FAT4: variants seen among roughly 807,000 people sequenced by gnomAD.
FAT4 encodes protocadherin Fat 4.
FAT4 carries 84 observed loss-of-function variants against 303.9 expected under a neutral mutation model. The observed-to-expected ratio is 0.28, with a 90% CI of 0.23 to 0.33. The LOEUF (loss-of-function observed/expected upper bound fraction) is 0.33. FAT4 is among the 10% of genes least tolerant of loss of function. FAT4 has a pLI of 1.00. For synonymous variants in FAT4, 2,307 were observed against 2,298.8 expected (o/e 1.00, Z -0.10); for missense variants, 6,005 against 6,146.8 (o/e 0.98, Z 0.77).
In FAT4 at chr4:125,492,780, A is replaced by C. The variant is rs903217253; in HGVS notation, c.*1012A>C. Reference sequence around the variant, plus strand: ...ATACTGATATTTTCCTATGCTGAATAGTTTTCTTACTTTCAGGGAAGGTAA... The same window carrying C: ...ATACTGATATTTTCCTATGCTGAATCGTTTTCTTACTTTCAGGGAAGGTAA... On this transcript the variant is annotated 3_prime_UTR_variant, in exon 18 of 18. Transcript: ENST00000394329. The C allele has an allele frequency of 6.6e-6, 1 of 152,478 alleles. No individual in the cohort carries two copies. The highest frequency in any genetic ancestry group is 2.4e-5 in the African/African-American group (1 of 41,424). 9.4% of individuals were successfully genotyped at this position (152,478 alleles called of 1,614,324 possible).
chr4:125,465,297 C>A (rs750604139), intron 11 of FAT4, among the ~76,000 whole-genome samples: 1 of 152,150 alleles, frequency 6.6e-6, no homozygotes, highest in African/African-American at 2.4e-5. Flanking sequence ...ATATCAAGGT[C>A]AAAATAACCA....
Position 125,353,802 on chromosome 4 carries a change from A to G in FAT4, c.5175+32216A>G, listed in dbSNP as rs118146800. ...GAGTAAAATATTTAGTGACTGAAAAATTCCAAATGAAGACTAAGTAAAATA... is the reference window on the plus strand; with the variant it reads ...GAGTAAAATATTTAGTGACTGAAAAGTTCCAAATGAAGACTAAGTAAAATA... On this transcript the variant is annotated intron_variant, in intron 2 of 17. Coordinates refer to ENST00000394329, the MANE Select transcript of FAT4 (RefSeq NM_001291303.3). 4.9e-3 allele frequency among the ~76,000 whole-genome samples: 740 copies of G among 151,780 alleles called. 29 individuals carry two copies. In the South Asian group the frequency reaches 0.069, roughly 14 times the overall value.
intron 2 of FAT4, among the ~76,000 whole-genome samples, chr4:125,392,916 G>A (rs947536812): frequency 3.3e-5 from 5 of 152,112 alleles, no homozygotes; most frequent in East Asian, 1.9e-4. Context: ...CAGTGCCCTC[G>A]AGTAGGAGGC....
chr4:125,474,129 C>T (rs185097793), intron 12 of FAT4, among the ~76,000 whole-genome samples: 56 of 152,102 alleles, frequency 3.7e-4, no homozygotes, highest in African/African-American at 1.3e-3. Flanking sequence ...AATAAAACAT[C>T]TCCTCCATTA....
In FAT4 at chr4:125,434,368, C is replaced by T; in HGVS notation, c.7142C>T (p.Thr2381Ile). ...ATTCCTGAGGATGCACCAACTGGAA[C>T]AGATGTTTTATTGGTAAATGCCTCA... ...TTIPEDAPTG[T>I]DVLLVNASDA... Residue 2381 changes from threonine to isoleucine, a missense_variant, in exon 8 of 18, where the codon ACA (threonine) becomes ATA (isoleucine). By Grantham distance (89) the Thr-to-Ile change is moderately conservative. Coordinates refer to ENST00000394329, the MANE Select transcript of FAT4 (RefSeq NM_001291303.3). 6.2e-7 allele frequency: 1 copy of T among 1,614,020 alleles called. No homozygotes were observed.
chr4:125,346,402 T>G (rs1344757195), intron 2 of FAT4, among the ~76,000 whole-genome samples: 1 of 151,958 alleles, frequency 6.6e-6, no homozygotes, highest in Non-Finnish European at 1.5e-5. Flanking sequence ...GATTAAAACT[T>G]TTATGGCTAT....
intron 2 of FAT4, among the ~76,000 whole-genome samples, chr4:125,397,426 G>A (rs988415895): frequency 1.3e-5 from 2 of 152,082 alleles, no homozygotes; most frequent in Non-Finnish European, 2.9e-5. Flanking sequence ...CCAGGCTGCA[G>A]TTGTAGTTAT....
Position 125,320,751 on chromosome 4 carries a change from C to T in FAT4, c.4340C>T (p.Pro1447Leu). Residue 1447 changes from proline to leucine, a missense_variant, in exon 2 of 18, where the codon CCT becomes CTT. Physicochemically the swap from Pro to Leu is moderately conservative, Grantham distance 98. Transcript: ENST00000394329. ...GTCATTTCAGTGACTGCACATGACCCTGATGCAGACATTAATGGTCAACTA... is the reference window on the plus strand; with the variant it reads ...GTCATTTCAGTGACTGCACATGACCTTGATGCAGACATTAATGGTCAACTA... ...TSVISVTAHD[P>L]DADINGQLSY... The T allele has an allele frequency of 1.2e-6, 2 of 1,614,128 alleles. No individual in the cohort carries two copies. The highest frequency in any genetic ancestry group is 1.7e-6 in the Non-Finnish European group (2 of 1,180,000).
chr4:125,360,001 C>T (rs1041590150), intron 2 of FAT4, among the ~76,000 whole-genome samples: 1 of 152,088 alleles, frequency 6.6e-6, no homozygotes, highest in African/African-American at 2.4e-5. Flanking sequence ...ATGGATTTTC[C>T]CTCAGGATGA....
Position 125,317,485 on chromosome 4 carries a change from C to T in FAT4, c.1074C>T (p.Phe358=), listed in dbSNP as rs1222101988. ...DNDPVVKFRY[F]PATSRYASVD... The stretch of plus-strand genomic sequence containing the variant: ...ACCCGGTAGTGAAGTTCCGCTACTT[C>T]CCGGCCACCTCGCGCTACGCCTCGG... Residue 358 remains phenylalanine, a synonymous_variant, in exon 2 of 18, where the codon TTC becomes TTT. Transcript: ENST00000394329. This position sits in a 1 kb window ranked among gnomAD's most constrained non-coding sequence, Gnocchi z 7.0. 8.7e-6 allele frequency: 14 copies of T among 1,613,758 alleles called. No homozygotes were observed. Among genetic ancestry groups the T allele is most frequent in the Non-Finnish European group, 1.2e-5 (14 of 1,180,036 alleles).
intron 5 of FAT4, among the ~76,000 whole-genome samples, chr4:125,412,410 T>G (rs1734881652): frequency 6.6e-6 from 1 of 151,948 alleles, no homozygotes; most frequent in Non-Finnish European, 1.5e-5. Context: ...ATTTTTTATT[T>G]GTTTCATCAA....
chr4:125,393,635 C>A (rs539047287), intron 2 of FAT4, among the ~76,000 whole-genome samples: 1 of 152,028 alleles, frequency 6.6e-6, no homozygotes, highest in Non-Finnish European at 1.5e-5. Context: ...ATGCACTATT[C>A]CCACAGAAAT....
At chr4:125,366,464 G>A (rs1732891065) in intron 2 of FAT4, among the ~76,000 whole-genome samples, 1 of 152,128 alleles carries the variant, frequency 6.6e-6, no homozygotes, top group Admixed American at 6.5e-5. Flanking sequence ...ATTCCATGGT[G>A]TGTATGTACT....
chr4:125,381,439 G>A (rs993074873), intron 2 of FAT4, among the ~76,000 whole-genome samples: 4 of 143,318 alleles, frequency 2.8e-5, no homozygotes, highest in Non-Finnish European at 6.3e-5. Flanking sequence ...TTTTTTTGGT[G>A]TTTCATTGCA....
At chr4:125,403,851 G>A (rs2126016877) in intron 3 of FAT4, among the ~76,000 whole-genome samples, 1 of 152,122 alleles carries the variant, frequency 6.6e-6, no homozygotes, top group South Asian at 2.1e-4. Flanking sequence ...TGGAAATGTT[G>A]AGCAAATGAG....
At chr4:125,406,813 A>G (rs1203921625) in intron 3 of FAT4, 67 bp from the exon 4 acceptor site, 1 of 1,538,370 alleles carries the variant, frequency 6.5e-7, no homozygotes, top group East Asian at 2.3e-5. Flanking sequence ...ATACATGTTC[A>G]AAAGAAAATA....
intron 11 of FAT4, among the ~76,000 whole-genome samples, chr4:125,467,889 T>C (rs1025050384): frequency 4.6e-5 from 7 of 152,148 alleles, no homozygotes; most frequent in Admixed American, 1.3e-4. Context: ...TTTGGGCCGC[T>C]TGCGGTAGCT....
Position 125,448,985 on chromosome 4 carries a change from A to G in FAT4, c.7975A>G (p.Ile2659Val). 1.2e-6 allele frequency: 2 copies of G among 1,613,948 alleles called. No individual in the cohort carries two copies. Among genetic ancestry groups the G allele is most frequent in the Non-Finnish European group, 1.7e-6 (2 of 1,179,898 alleles). The change falls in exon 10 of 18, where the codon ATA (isoleucine) becomes GTA (valine). Residue 2659 changes from isoleucine (I) to valine (V), a missense_variant. Physicochemically the swap from Ile to Val is conservative, Grantham distance 29 (BLOSUM62 3). Coordinates refer to ENST00000394329, the MANE Select transcript of FAT4 (RefSeq NM_001291303.3). ...TTTCTCCTCTTACGAGAAACTTGAT[A>G]TAACAGTATTAGATGTCAATGATAA... The part of the protein sequence containing the change: ...PPFSSYEKLD[I>V]TVLDVNDNAP...
chr4:125,452,220 G>A lies in FAT4; in HGVS notation c.11210G>A (p.Arg3737His), dbSNP rs769007827. 6.2e-6 allele frequency: 10 copies of A among 1,614,078 alleles called. No homozygotes were observed. The highest frequency in any genetic ancestry group is 2.2e-5 in the East Asian group (1 of 44,886). Reference protein sequence around the residue: ...FLTNHYLHFLRIASSQLTGLG... With the variant: ...FLTNHYLHFLHIASSQLTGLG... ...ACCAACCACTATCTTCATTTTTTAC[G>A]CATTGCCAGCTCACAGCTGACAGGC... Residue 3737 changes from arginine to histidine, a missense_variant, in exon 10 of 18, where the codon CGC becomes CAC. Arg to His is a conservative substitution (Grantham distance 29). Coordinates refer to ENST00000394329, the MANE Select transcript of FAT4 (RefSeq NM_001291303.3).
Sources: allele counts gnomAD v4.1 joint callset (sites outside exome capture counted in the v4.1 genomes callset), GRCh38; gene constraint gnomAD v4.1.1; non-coding constraint Gnocchi (gnomAD v3.1); transcripts MANE v1.5; gene names NCBI Gene and HGNC (gene_info 2026-07-23, HGNC 2026-07-21).